The following BST1 variants were observed in gnomAD, a reference collection of about 807,000 sequenced individuals.
BST1 encodes the protein bone marrow stromal cell antigen 1.
A neutral mutation model predicts 40.6 loss-of-function variants in BST1; 49 were observed. That is an observed-to-expected ratio of 1.21 (90% CI 0.96 to 1.53). The LOEUF is 1.53. Among genes scored for constraint, BST1 ranks in the 40% most tolerant of loss-of-function variants. The pLI is 0.00. For synonymous variants in BST1, 157 were observed against 159.3 expected, an observed-to-expected ratio of 0.99 and a Z score of 0.11; for missense variants, 423 against 395.9, an observed-to-expected ratio of 1.07 and a Z score of -0.58.
At position 15,731,736 on chromosome 4, in the gene BST1, G is replaced by C. The variant is rs372023237; in HGVS notation, c.852-4G>C. ...ACTTTCTCTATTTCCTTGTTAATTT[G>C]CAGGGCAGCAGCCGCTACTCAAAGA... On this transcript the variant is annotated splice_polypyrimidine_tract_variant and splice_region_variant and intron_variant, in intron 8 of 8. Transcript: ENST00000265016. The C allele has an allele frequency of 6.2e-6, 10 of 1,609,898 alleles. No homozygotes were observed. The African/African-American group carries it at 1.3e-4, about 22-fold the overall frequency.
intron 3 of BST1, among the ~76,000 whole-genome samples, chr4:15,708,020 T>C (rs1325754981): frequency 1.3e-5 from 2 of 151,966 alleles, no homozygotes; most frequent in Non-Finnish European, 2.9e-5. Context: ...CACAGCAAGA[T>C]TAAGAAATCT....
chr4:15,706,610 A>T (rs1443295398), intron 2 of BST1, among the ~76,000 whole-genome samples: 1 of 152,224 alleles, frequency 6.6e-6, no homozygotes, highest in Non-Finnish European at 1.5e-5. Flanking sequence ...TCTGTGACAT[A>T]AACATTGTTA....
the BST1 span, among the ~76,000 whole-genome samples, chr4:15,759,023 T>A: frequency 4.3e-4 from 65 of 152,064 alleles, 1 homozygote; most frequent in African/African-American, 1.5e-3. Context: ...TGGACAGGCA[T>A]CAAGTCCCAT....
At chr4:15,757,378 G>A in the BST1 span, among the ~76,000 whole-genome samples, 1 of 152,138 alleles carries the variant, frequency 6.6e-6, no homozygotes, top group East Asian at 1.9e-4. Context: ...GGTTCTCCCT[G>A]CACGAACTGC....
intron 1 of BST1, among the ~76,000 whole-genome samples, 196 bp downstream of exon 1, chr4:15,703,528 G>A (rs1486811099): frequency 6.6e-6 from 1 of 151,606 alleles, no homozygotes; most frequent in Non-Finnish European, 1.5e-5. Flanking sequence ...TGTGTCTGCA[G>A]GTGAGGGGTG....
At chr4:15,718,823 A>G in intron 6 of BST1, 84 bp from the exon 7 acceptor site, 2 of 1,220,794 alleles carry the variant, frequency 1.6e-6, no homozygotes, top group Admixed American at 2.3e-5. Flanking sequence ...CACATGGTCA[A>G]AAGAAATTAT....
In BST1 at chr4:15,703,148, G is replaced by A. The variant is rs1719630953; in HGVS notation, c.4G>A (p.Ala2Thr). The A allele has an allele frequency of 6.3e-7, 1 of 1,577,804 alleles. No individual in the cohort carries two copies. The highest frequency in any genetic ancestry group is 8.6e-7 in the Non-Finnish European group (1 of 1,164,230). The change falls in exon 1 of 9, where the codon GCG becomes ACG. Residue 2 changes from alanine to threonine, a missense_variant. Transcript: ENST00000265016. M[A>T]AQGCAASRLL... ...CTGGAGGGACCAAAGTTCCCCGATG[G>A]CGGCCCAGGGGTGCGCGGCATCGCG... is the stretch of plus-strand genomic sequence containing the variant.
intron 7 of BST1, 109 bp downstream of exon 7, chr4:15,719,102 C>T: frequency 2.4e-5 from 22 of 934,622 alleles, no homozygotes; most frequent in Non-Finnish European, 3.3e-5. Context: ...GCCATGGTGT[C>T]TTCCGGGTGG....
intron 3 of BST1, among the ~76,000 whole-genome samples, chr4:15,707,866 T>TATATATACAC (rs1553863532): frequency 2.0e-5 from 3 of 147,880 alleles, no homozygotes; most frequent in Non-Finnish European, 4.5e-5. Flanking sequence ...TATATATATA[T>TATATATACAC]ATATATATAC....
chr4:15,731,556 C>T, intron 8 of BST1, 184 bp from the exon 9 acceptor site: 1 of 1,028,042 alleles, frequency 9.7e-7, no homozygotes, highest in Non-Finnish European at 1.5e-6. Context: ...ACTTGGGGTG[C>T]TTGCGCTGGT....
chr4:15,763,243 ATATT>A, the BST1 span, among the ~76,000 whole-genome samples: 2 of 151,934 alleles, frequency 1.3e-5, no homozygotes, highest in African/African-American at 2.4e-5. Flanking sequence ...TTTCAGAAGA[ATATT>A]TATCCATGTA....
At chr4:15,712,313 T>C (rs1015118355) in intron 4 of BST1, among the ~76,000 whole-genome samples, 3 of 152,080 alleles carry the variant, frequency 2.0e-5, no homozygotes, top group South Asian at 2.1e-4. Context: ...GAGGAACTGA[T>C]AGGAGATGGA....
At chr4:15,706,249 C>G (rs1346449317) in intron 2 of BST1, among the ~76,000 whole-genome samples, 1 of 152,182 alleles carries the variant, frequency 6.6e-6, no homozygotes, top group Non-Finnish European at 1.5e-5. Flanking sequence ...CCTAAGTTAG[C>G]AAGTTAGTGT....
chr4:15,733,153 A>G (rs1253015381), downstream of BST1, among the ~76,000 whole-genome samples: 2 of 152,192 alleles, frequency 1.3e-5, no homozygotes, highest in African/African-American at 2.4e-5. Flanking sequence ...TTATTCCCTT[A>G]TTTGGTCCCA....
chr4:15,721,524 G>A (rs1720808670), intron 7 of BST1, among the ~76,000 whole-genome samples: 1 of 152,158 alleles, frequency 6.6e-6, no homozygotes, highest in Non-Finnish European at 1.5e-5. Flanking sequence ...GATGAAGCTA[G>A]ACACAATCAT....
intron 7 of BST1, among the ~76,000 whole-genome samples, chr4:15,719,846 C>T (rs538635041): frequency 6.6e-6 from 1 of 152,326 alleles, no homozygotes; most frequent in South Asian, 2.1e-4. Context: ...CACTCCATGC[C>T]TCCTCAAGAC....
chr4:15,707,031 T>G (rs953343607), intron 2 of BST1, among the ~76,000 whole-genome samples: 1 of 152,178 alleles, frequency 6.6e-6, no homozygotes, highest in African/African-American at 2.4e-5. Flanking sequence ...AAAAGCAATG[T>G]GTTTTTGAGG....
At chr4:15,734,359 G>T (rs550704751), downstream of BST1, among the ~76,000 whole-genome samples, 29 of 152,146 alleles carry the variant, frequency 1.9e-4, no homozygotes, top group African/African-American at 7.0e-4. Context: ...AAACCAAAAA[G>T]AAATGTTTTC....
chr4:15,705,595 A>T lies in BST1; in HGVS notation c.269A>T (p.Tyr90Phe), dbSNP rs1176979220. Residue 90 changes from tyrosine (Y) to phenylalanine (F), a missense_variant, in exon 2 of 9, where the codon TAT becomes TTT. By Grantham distance (22) the Tyr-to-Phe change is conservative. Coordinates refer to ENST00000265016, the MANE Select transcript of BST1 (RefSeq NM_004334.3). ...CCCTGCTCCGTGCTGCCCTCAGACT[A>T]TGACCTTTTTATTAACTTGTCCAGG... is the stretch of plus-strand genomic sequence containing the variant. ...KDPCSVLPSD[Y>F]DLFINLSRHS... The T allele has an allele frequency of 1.2e-6, 2 of 1,614,032 alleles. No individual in the cohort carries two copies. Among genetic ancestry groups the T allele is most frequent in the Non-Finnish European group, 1.7e-6 (2 of 1,179,942 alleles).
Sources: gnomAD v4.1 joint callset for allele counts (sites outside exome capture counted in the v4.1 genomes callset) on GRCh38, gnomAD v4.1.1 for gene constraint, MANE v1.5 for transcripts, NCBI Gene and HGNC (gene_info 2026-07-23, HGNC 2026-07-21) for gene names.